Variants in MGA observed in about 807,000 individuals in gnomAD.
MGA encodes MAX gene-associated protein.
Under a neutral mutation model 261.1 loss-of-function variants are expected in MGA, and 40 were observed. The observed-to-expected ratio is 0.15, with a 90% CI of 0.12 to 0.20. The LOEUF is 0.20. Ranked by LOEUF, MGA falls within the 10% of genes least tolerant of loss-of-function variation. The probability of loss-of-function intolerance (pLI) is 1.00; values close to 1 mark genes in which losing one functional copy is unlikely to be tolerated. For missense variants in MGA, 3,397 were observed against 3,630.5 expected (o/e 0.94, Z 1.65); for synonymous variants, 1,302 against 1,290.6 (o/e 1.01, Z -0.19).
At chr15:41,707,571 T>C (rs2060185634) in intron 5 of MGA, among the ~76,000 whole-genome samples, 157 bp from the exon 6 acceptor site, 1 of 152,194 alleles carries the variant, frequency 6.6e-6, no homozygotes, top group Non-Finnish European at 1.5e-5. Flanking sequence ...TTGAATCTGC[T>C]ACAGTTTGTT....
chr15:41,633,181 C>G (rs1037599173), intron 1 of MGA, among the ~76,000 whole-genome samples: 1 of 151,976 alleles, frequency 6.6e-6, no homozygotes, highest in African/African-American at 2.4e-5. Flanking sequence ...GATCTCCTGA[C>G]CTTGTGATCC....
chr15:41,749,850 G>A lies in MGA; in HGVS notation c.6243G>A (p.Val2081=), dbSNP rs778871393. The A allele has an allele frequency of 6.2e-7, 1 of 1,613,742 alleles. No individual in the cohort carries two copies. The highest frequency in any genetic ancestry group is 8.5e-7 in the Non-Finnish European group (1 of 1,179,886). Reference sequence around the variant, plus strand: ...ATCGTAAGAGTTCCAAAGAAAAAGTGGCTGTTCTGGAAGTTAGGACCATTT... The same window carrying A: ...ATCGTAAGAGTTCCAAAGAAAAAGTAGCTGTTCTGGAAGTTAGGACCATTT... Residue 2081 remains valine, a synonymous_variant, in exon 17 of 24, where the codon GTG becomes GTA. Transcript: ENST00000219905.
intron 2 of MGA, among the ~76,000 whole-genome samples, chr15:41,674,082 G>A (rs1000273288): frequency 6.6e-6 from 1 of 151,960 alleles, no homozygotes; most frequent in Non-Finnish European, 1.5e-5. Flanking sequence ...AGTAGAGGTG[G>A]GCTTTTGCCA....
At chr15:41,729,972 A>T (rs2061426945) in intron 11 of MGA, among the ~76,000 whole-genome samples, 1 of 151,704 alleles carries the variant, frequency 6.6e-6, no homozygotes, top group African/African-American at 2.4e-5. Context: ...GGCTCAGTGC[A>T]ACCTCTGCCT....
chr15:41,699,710 C>T (rs1407825592), intron 5 of MGA, among the ~76,000 whole-genome samples: 3 of 152,114 alleles, frequency 2.0e-5, no homozygotes, highest in Non-Finnish European at 2.9e-5. Context: ...CCGTGTTAGC[C>T]AGGATGGTCT....
rs572175027 is a variant in MGA at position 41,767,053 on chromosome 15, C to G, written c.8971C>G (p.Pro2991Ala). 2 of 1,613,916 alleles carry G rather than the reference C, an allele frequency of 1.2e-6. No homozygotes were observed. Among genetic ancestry groups the G allele is most frequent in the African/African-American group, 2.7e-5 (2 of 75,010 alleles). Residue 2991 changes from proline (P) to alanine (A), a missense_variant, in exon 24 of 24, where the codon CCT (proline) becomes GCT (alanine). Physicochemically the swap from Pro to Ala is conservative, Grantham distance 27. This residue lies in a region of MGA where 647 missense variants were observed against 642.4 expected (regional missense o/e 1.01). Coordinates refer to ENST00000219905, the MANE Select transcript of MGA (RefSeq NM_001164273.2). ...GTGGAGGCCTATGCCAAAGTTGGCC[C>G]CTCTAGGTTTAAAAGTAGCTAATCC... is the stretch of plus-strand genomic sequence containing the variant.
Position 41,711,425 on chromosome 15 carries a change from T to C in MGA, c.3084+76T>C, listed in dbSNP as rs1322009980. 30 of 1,400,616 alleles carry C rather than the reference T, an allele frequency of 2.1e-5. No homozygotes were observed. In the East Asian group the frequency reaches 6.5e-4, roughly 30 times the overall value. The allele number at this position is 1,400,616 out of a possible 1,614,324, so 86.8% of individuals were successfully genotyped here. A position where few individuals can be genotyped will look rare whatever the true frequency, so the allele number is the denominator to read the frequency against. On this transcript the variant is annotated intron_variant, in intron 8 of 23. Transcript: ENST00000219905. ...CGAGGTTAGTGAGGGGAAATGGGAA[T>C]GGTACTTTTTGGCAGGGTGATCAGC...
intron 2 of MGA, among the ~76,000 whole-genome samples, chr15:41,670,654 C>T (rs1307861260): frequency 2.6e-5 from 4 of 152,112 alleles, no homozygotes; most frequent in South Asian, 2.1e-4. Context: ...TACAGGCGCC[C>T]GTCACCACGC....
intron 19 of MGA, among the ~76,000 whole-genome samples, chr15:41,758,986 C>T (rs191121980): frequency 3.5e-4 from 54 of 152,178 alleles, no homozygotes; most frequent in Admixed American, 2.5e-3. Flanking sequence ...ATATAGAAGA[C>T]TTAATTTCAG....
intron 2 of MGA, among the ~76,000 whole-genome samples, chr15:41,695,621 C>T (rs1477939652): frequency 2.6e-5 from 4 of 152,172 alleles, no homozygotes; most frequent in Non-Finnish European, 4.4e-5. Context: ...CTGGGTCATA[C>T]GTATTTGCCT....
intron 2 of MGA, among the ~76,000 whole-genome samples, chr15:41,690,806 G>A (rs1384221579): frequency 6.6e-6 from 1 of 152,088 alleles, no homozygotes; most frequent in Non-Finnish European, 1.5e-5. Context: ...TTGTTTCCAG[G>A]AATTTGAGGT....
intron 2 of MGA, chr15:41,684,459 T>G (rs1176409444): frequency 4.8e-6 from 2 of 419,446 alleles, no homozygotes; most frequent in Non-Finnish European, 9.4e-6. Flanking sequence ...TAACTGTTTG[T>G]GAAATTTTTT....
At chr15:41,632,578 C>G (rs1238784358) in intron 1 of MGA, among the ~76,000 whole-genome samples, 1 of 152,172 alleles carries the variant, frequency 6.6e-6, no homozygotes, top group African/African-American at 2.4e-5. Flanking sequence ...TTGAAGCCCT[C>G]CAATCAGACC....
At chr15:41,657,680 CAAAACA>C (rs2057234552), upstream of MGA, among the ~76,000 whole-genome samples, 2 of 56,742 alleles carry the variant, frequency 3.5e-5, no homozygotes, top group South Asian at 6.9e-4. Context: ...AAAAACAAAA[CAAAACA>C]AAAAAAAAAA....
At chr15:41,741,859 G>T (rs1042218313) in intron 14 of MGA, among the ~76,000 whole-genome samples, 1 of 151,754 alleles carries the variant, frequency 6.6e-6, no homozygotes, top group African/African-American at 2.4e-5. Flanking sequence ...TTACAGGCAC[G>T]TGCCACCATG....
intron 2 of MGA, among the ~76,000 whole-genome samples, chr15:41,689,992 T>G (rs1272227806): frequency 2.0e-5 from 3 of 152,194 alleles, no homozygotes; most frequent in African/African-American, 7.2e-5. Context: ...TTTTAATATA[T>G]TCACAGGATT....
At chr15:41,705,648 T>G (rs1421089512) in intron 5 of MGA, among the ~76,000 whole-genome samples, 1 of 152,192 alleles carries the variant, frequency 6.6e-6, no homozygotes, top group African/African-American at 2.4e-5. Flanking sequence ...AGGTGTGAGC[T>G]GAAATGCCAG....
chr15:41,765,086 A>G (rs768119302), intron 23 of MGA, 24 bp downstream of exon 23: 2 of 1,610,842 alleles, frequency 1.2e-6, no homozygotes, highest in Non-Finnish European at 1.7e-6. Flanking sequence ...GTTGTCCTCT[A>G]TGGGAAGTGA....
At chr15:41,723,181 T>C (rs950031023) in intron 9 of MGA, among the ~76,000 whole-genome samples, 27 of 152,338 alleles carry the variant, frequency 1.8e-4, no homozygotes, top group East Asian at 5.8e-4. Context: ...TCTTTTTTTT[T>C]CCTGAGTTTC....
Sources: allele counts gnomAD v4.1 joint callset (sites outside exome capture counted in the v4.1 genomes callset), GRCh38; gene constraint gnomAD v4.1.1; regional missense constraint gnomAD v4.1.1; transcripts MANE v1.5; gene names NCBI Gene and HGNC (gene_info 2026-07-23, HGNC 2026-07-21).